Variants in CDIN1 observed in about 807,000 individuals in gnomAD.
CDIN1 encodes CDAN1-interacting nuclease 1.
CDIN1 carries 33 observed loss-of-function variants against 45.3 expected under a neutral mutation model. That is an observed-to-expected ratio of 0.73 (90% CI 0.55 to 0.97). CDIN1 has a LOEUF of 0.97. Among genes scored for constraint, CDIN1 ranks in the 50% least tolerant of loss-of-function variants. The probability of loss-of-function intolerance (pLI) is 0.00; values close to 1 mark genes in which losing one functional copy is unlikely to be tolerated. For synonymous variants in CDIN1, 118 were observed against 124.4 expected (o/e 0.95, Z 0.34); for missense variants, 303 against 339.4 (o/e 0.89, Z 0.84).
chr15:36,613,770 A>G, intron 1 of CDIN1: 1 of 1,601,708 alleles, frequency 6.2e-7, no homozygotes, highest in Non-Finnish European at 8.5e-7. Context: ...CGGGCCTTAA[A>G]AGATGAAGAA....
chr15:36,613,508 A>C (rs567184625), intron 1 of CDIN1: 6 of 1,547,670 alleles, frequency 3.9e-6, no homozygotes, highest in Non-Finnish European at 5.3e-6. Context: ...GGTGAAGCGC[A>C]AGATCCAGGT....
At chr15:36,774,740 C>T (rs1429736003) in intron 10 of CDIN1, among the ~76,000 whole-genome samples, 1 of 152,072 alleles carries the variant, frequency 6.6e-6, no homozygotes, top group East Asian at 1.9e-4. Flanking sequence ...TTATTCAGGC[C>T]ATCTTACACT....
rs969625321 is a variant in CDIN1 at position 36,737,127 on chromosome 15, C to T, written c.716+27166C>T. On this transcript the variant is annotated intron_variant, in intron 10 of 10. Transcript: ENST00000566621. The stretch of plus-strand genomic sequence containing the variant: ...AGGTTGCAGTGAGCTGAGATTGCAC[C>T]ACTGCACTCCAGCCTAGGCAACAGA... 2.7e-5 allele frequency among the ~76,000 whole-genome samples: 4 copies of T among 149,906 alleles called. No homozygotes were observed. The East Asian group carries it at 7.8e-4, about 29-fold the overall frequency.
Position 36,654,918 on chromosome 15 carries a change from T to C in CDIN1, c.273+760T>C, listed in dbSNP as rs1595429388. ...AGAGCAATACAATATTTAGTCTGAC[T>C]TGGAACTGCTTATGCAAACCTCGTA... On this transcript the variant is annotated intron_variant, in intron 4 of 10. Transcript: ENST00000566621. Among the ~76,000 whole-genome samples, 3 of 152,220 alleles carry C rather than the reference T, an allele frequency of 2.0e-5. No individual in the cohort carries two copies. In the South Asian group the frequency reaches 6.2e-4, roughly 31 times the overall value.
chr15:36,682,179 A>C (rs924432633), intron 5 of CDIN1, among the ~76,000 whole-genome samples: 5 of 152,040 alleles, frequency 3.3e-5, no homozygotes, highest in African/African-American at 9.7e-5. Flanking sequence ...CTGATAGTGT[A>C]GTCCCAGTTC....
At chr15:36,619,481 A>G (rs370004784) in intron 1 of CDIN1, among the ~76,000 whole-genome samples, 1 of 148,244 alleles carries the variant, frequency 6.7e-6, no homozygotes, top group Non-Finnish European at 1.5e-5. Flanking sequence ...CTATCTATCT[A>G]TCTATCTATC....
intron 10 of CDIN1, among the ~76,000 whole-genome samples, chr15:36,754,672 T>G (rs907983624): frequency 1.3e-5 from 2 of 151,830 alleles, no homozygotes; most frequent in Non-Finnish European, 2.9e-5. Context: ...GTGTTTTGTA[T>G]ATACAGTCAT....
At chr15:36,801,790 C>T (rs1017569569) in intron 10 of CDIN1, among the ~76,000 whole-genome samples, 1 of 152,192 alleles carries the variant, frequency 6.6e-6, no homozygotes, top group Non-Finnish European at 1.5e-5. Context: ...AAAATATGCT[C>T]CCTCAAAAGT....
At chr15:36,728,577 G>A (rs962660705) in intron 10 of CDIN1, among the ~76,000 whole-genome samples, 12 of 143,186 alleles carry the variant, frequency 8.4e-5, no homozygotes, top group Admixed American at 7.8e-4. Context: ...TAAATGCCAC[G>A]CTTATTTTTG....
intron 5 of CDIN1, among the ~76,000 whole-genome samples, chr15:36,659,966 C>CTTTTTTTTTTTTTTTTTTTTTTT (rs778988517): frequency 9.5e-5 from 10 of 105,126 alleles, no homozygotes; most frequent in East Asian, 3.0e-4. Flanking sequence ...CCTTCCTTTT[C>CTTTTTTTTTTTTTTTTTTTTTTT]TTTTTTTTTT....
chr15:36,790,508 C>G (rs561447869), intron 10 of CDIN1: 58 of 152,254 alleles, frequency 3.8e-4, no homozygotes, highest in African/African-American at 1.4e-3. Flanking sequence ...TATATTTTAA[C>G]GTAGCTAGAA....
At chr15:36,620,139 C>A (rs1324733547) in intron 1 of CDIN1, among the ~76,000 whole-genome samples, 1 of 152,038 alleles carries the variant, frequency 6.6e-6, no homozygotes, top group East Asian at 1.9e-4. Context: ...ATCACGAGGT[C>A]AGGAGATCGA....
chr15:36,780,075 T>C (rs1472156613), intron 10 of CDIN1, among the ~76,000 whole-genome samples: 1 of 125,686 alleles, frequency 8.0e-6, no homozygotes, highest in Non-Finnish European at 1.5e-5. Context: ...GAGTCTCAAT[T>C]TCCTGTGCAC....
intron 10 of CDIN1, among the ~76,000 whole-genome samples, chr15:36,787,017 C>T (rs949878264): frequency 6.6e-6 from 1 of 152,204 alleles, no homozygotes; most frequent in Admixed American, 6.5e-5. Context: ...CATCCTCACA[C>T]CCCTGGTCTC....
At chr15:36,649,549 G>C (rs1272241872) in intron 3 of CDIN1, among the ~76,000 whole-genome samples, 1 of 152,110 alleles carries the variant, frequency 6.6e-6, no homozygotes, top group African/African-American at 2.4e-5. Context: ...TTTTGAGTGT[G>C]AAAGACTCAT....
At position 36,588,100 on chromosome 15, in the gene CDIN1, A is replaced by T. The variant is rs73379812; in HGVS notation, c.101+8139A>T. On this transcript the variant is annotated intron_variant, in intron 1 of 10. Coordinates refer to ENST00000566621, the MANE Select transcript of CDIN1 (RefSeq NM_001321759.2). ...TTTGCTTTGAAACAAAGTGCAGTAGATTTACAGAAAATGAAAATGTTTATA... is the reference window on the plus strand; with the variant it reads ...TTTGCTTTGAAACAAAGTGCAGTAGTTTTACAGAAAATGAAAATGTTTATA... Among the ~76,000 whole-genome samples the T allele has an allele frequency of 8.6e-3, 1,308 of 152,348 alleles. 20 individuals carry two copies. The highest frequency in any genetic ancestry group is 0.03 in the African/African-American group (1,252 of 41,580).
At chr15:36,667,134 G>A (rs112143729) in intron 5 of CDIN1, among the ~76,000 whole-genome samples, 291 of 152,244 alleles carry the variant, frequency 1.9e-3, no homozygotes, top group Middle Eastern at 3.4e-3. Flanking sequence ...AGTTAGTTAC[G>A]TAGCAAATCA....
Position 36,691,742 on chromosome 15 carries a change from T to TTCTA in CDIN1, c.405_408dup (p.Ala137SerfsTer29). Reference sequence around the variant, plus strand: ...GACCCTTCTCAGATTCCAGATGGAGTTCTAGCAAATCAGGTCTATCAGGTA... The same window carrying TTCTA: ...GACCCTTCTCAGATTCCAGATGGAGTTCTATCTAGCAAATCAGGTCTATCAGGTA... On this transcript the variant is annotated frameshift_variant, in exon 6 of 11. Transcript: ENST00000566621. LOFTEE classifies it high-confidence loss of function. 1 of 1,601,386 alleles carries TTCTA rather than the reference T, an allele frequency of 6.2e-7. No homozygotes were observed. The highest frequency in any genetic ancestry group is 8.5e-7 in the Non-Finnish European group (1 of 1,172,742).
rs191976173 is a variant in CDIN1 at position 36,650,199 on chromosome 15, A to G, written c.213-3899A>G. Among the ~76,000 whole-genome samples, 382 of 152,320 alleles carry G rather than the reference A, an allele frequency of 2.5e-3. 2 individuals carry two copies. The highest frequency in any genetic ancestry group is 8.9e-3 in the African/African-American group (370 of 41,592). ...CTTGCAGATCTGACCAACTGTGTGC[A>G]TGTGCACTTATGCTCATGTGCACCA... On this transcript the variant is annotated intron_variant, in intron 3 of 10. Coordinates refer to ENST00000566621, the MANE Select transcript of CDIN1 (RefSeq NM_001321759.2).
Sources: gnomAD v4.1 joint callset for allele counts (sites outside exome capture counted in the v4.1 genomes callset) on GRCh38, gnomAD v4.1.1 for gene constraint, MANE v1.5 for transcripts, NCBI Gene and HGNC (gene_info 2026-07-23, HGNC 2026-07-21) for gene names.